Variants in TMTC2 observed in about 807,000 individuals in gnomAD.
TMTC2 encodes transmembrane O-mannosyltransferase targeting cadherins 2.
Under a neutral mutation model 82.4 loss-of-function variants are expected in TMTC2, and 43 were observed. The ratio of observed to expected loss-of-function variants is 0.52; its 90% CI spans 0.41 to 0.67. The LOEUF is 0.67. TMTC2 is among the 30% of genes least tolerant of loss of function. TMTC2 has a pLI of 0.00. For missense variants in TMTC2, 919 were observed against 1,012.4 expected (o/e 0.91, Z 1.25); for synonymous variants, 408 against 381.9 (o/e 1.07, Z -0.80).
chr12:82,982,415 T>A (rs1424228662), intron 7 of TMTC2, among the ~76,000 whole-genome samples: 1 of 148,518 alleles, frequency 6.7e-6, no homozygotes, highest in African/African-American at 2.5e-5. Context: ...TACCTTTTTT[T>A]AACATATTTA....
At chr12:82,809,408 T>C (rs948278020) in intron 1 of TMTC2, among the ~76,000 whole-genome samples, 1 of 152,062 alleles carries the variant, frequency 6.6e-6, no homozygotes, top group African/African-American at 2.4e-5. Flanking sequence ...GAAGACTGAA[T>C]GCTTAAGTCC....
intron 11 of TMTC2, among the ~76,000 whole-genome samples, chr12:83,076,198 A>G (rs1448219118): frequency 6.6e-6 from 1 of 152,142 alleles, no homozygotes; most frequent in African/African-American, 2.4e-5. Flanking sequence ...TATTTTTTCA[A>G]TATATATTTG....
intron 2 of TMTC2, among the ~76,000 whole-genome samples, chr12:82,891,790 C>A (rs535749088): frequency 9.2e-5 from 14 of 152,174 alleles, no homozygotes; most frequent in African/African-American, 3.4e-4. Context: ...CTTTAAAAGC[C>A]ATAGCAAATC....
At chr12:82,776,347 A>G (rs956332414) in intron 1 of TMTC2, among the ~76,000 whole-genome samples, 2 of 152,122 alleles carry the variant, frequency 1.3e-5, no homozygotes, top group Non-Finnish European at 2.9e-5. Context: ...GGAATGGCAG[A>G]CAAACATCCT....
chr12:83,055,843 A>G (rs181587152), intron 10 of TMTC2, among the ~76,000 whole-genome samples: 2 of 151,988 alleles, frequency 1.3e-5, no homozygotes, highest in Admixed American at 6.6e-5. Context: ...TCACTCTGTT[A>G]CCTCTGAGTG....
At chr12:82,839,813 G>T (rs1870238383) in intron 1 of TMTC2, among the ~76,000 whole-genome samples, 1 of 152,118 alleles carries the variant, frequency 6.6e-6, no homozygotes, top group Non-Finnish European at 1.5e-5. Context: ...TATAAGTCCT[G>T]TAACTTCTTT....
chr12:82,895,882 G>A lies in TMTC2; in HGVS notation c.719G>A (p.Gly240Asp), dbSNP rs769596235. 6.8e-6 allele frequency: 11 copies of A among 1,613,770 alleles called. No homozygotes were observed. The Admixed American group carries it at 1.7e-4, about 24-fold the overall frequency. Residue 240 changes from glycine (G) to aspartate (D), a missense_variant, in exon 3 of 12, where the codon GGT becomes GAT. Coordinates refer to ENST00000321196, the MANE Select transcript of TMTC2 (RefSeq NM_152588.3). ...ATTTTCTGGGGTTCCTCCCTTTTGG[G>A]TGCCCGGTTATACTGGATGGGAAAC... is the stretch of plus-strand genomic sequence containing the variant. ...LLIFWGSSLL[G>D]ARLYWMGNKP... is the part of the protein sequence containing the mutation.
intron 1 of TMTC2, among the ~76,000 whole-genome samples, chr12:82,782,948 A>G (rs757672537): frequency 1.7e-4 from 26 of 152,190 alleles, no homozygotes; most frequent in Admixed American, 2.0e-4. Flanking sequence ...AAATGCCTTC[A>G]TTTAGTCTTT....
rs1024043332 is a variant in TMTC2 at position 83,105,719 on chromosome 12, A to G, written c.2332-26491A>G. On this transcript the variant is annotated intron_variant, in intron 11 of 11. Transcript: ENST00000321196. ...ATTTCAACATGAGATTGGGGTGGGG[A>G]CAAATATCCAAACTATATCTAGGTG... 7.2e-4 allele frequency among the ~76,000 whole-genome samples: 110 copies of G among 152,302 alleles called. 2 individuals carry two copies. Among genetic ancestry groups the G allele is most frequent in the African/African-American group, 2.5e-3 (106 of 41,570 alleles).
At chr12:82,761,911 T>TTTTTCTTTCTCTTTCC (rs952368164) in intron 1 of TMTC2, among the ~76,000 whole-genome samples, 2 of 151,570 alleles carry the variant, frequency 1.3e-5, no homozygotes, top group Non-Finnish European at 2.9e-5. Context: ...TTTCTTTTTC[T>TTTTTCTTTCTCTTTCC]TTTTCTTTCT....
intron 1 of TMTC2, among the ~76,000 whole-genome samples, chr12:82,730,296 C>CTCAA (rs1874721623): frequency 1.3e-5 from 1 of 79,004 alleles, no homozygotes; most frequent in African/African-American, 5.1e-5. Context: ...CTCTGTCTCT[C>CTCAA]AAAAAAAAAA....
At chr12:83,083,451 T>C (rs11115571) in intron 11 of TMTC2, among the ~76,000 whole-genome samples, 56,711 of 152,028 alleles carry the variant, frequency 0.37, 10,610 homozygotes, top group Middle Eastern at 0.42. Context: ...TTTTCTGCTG[T>C]ACTTTTTCTC....
rs575761883 is a variant in TMTC2, at chr12:83,084,917, A to G, written c.2331+23086A>G. 1.1e-4 allele frequency among the ~76,000 whole-genome samples: 17 copies of G among 152,358 alleles called. No individual in the cohort carries two copies. In the South Asian group the frequency reaches 1.9e-3, roughly 17 times the overall value. ...AGGAATAATTTTAAAGATGTGAATA[A>G]CAAATTGGCTAAGCCTGCATGCTTT... On this transcript the variant is annotated intron_variant, in intron 11 of 11. Transcript: ENST00000321196.
At chr12:82,958,887 T>G (rs1241418669) in intron 4 of TMTC2, among the ~76,000 whole-genome samples, 1 of 152,088 alleles carries the variant, frequency 6.6e-6, no homozygotes, top group Non-Finnish European at 1.5e-5. Flanking sequence ...GCAGTCAAAC[T>G]AACTCTTTAC....
At chr12:82,769,254 C>A (rs185645463) in intron 1 of TMTC2, among the ~76,000 whole-genome samples, 3 of 151,948 alleles carry the variant, frequency 2.0e-5, no homozygotes, top group Middle Eastern at 6.8e-3. Context: ...GGGTGAAACA[C>A]CTTAGGTCAG....
chr12:83,035,531 T>A (rs183146039), intron 9 of TMTC2, among the ~76,000 whole-genome samples: 102 of 152,348 alleles, frequency 6.7e-4, no homozygotes, highest in Non-Finnish European at 1.2e-3. Flanking sequence ...ACAGCTCTTT[T>A]ATCAAAATTT....
At chr12:82,844,276 C>T (rs528106857) in intron 1 of TMTC2, among the ~76,000 whole-genome samples, 1 of 152,226 alleles carries the variant, frequency 6.6e-6, no homozygotes, top group South Asian at 2.1e-4. Flanking sequence ...AGGAAAATTG[C>T]CATGTACTTT....
At chr12:82,927,461 C>T (rs2137238232) in intron 3 of TMTC2, among the ~76,000 whole-genome samples, 1 of 152,266 alleles carries the variant, frequency 6.6e-6, no homozygotes, top group Non-Finnish European at 1.5e-5. Context: ...GCAGTCTACT[C>T]CTGGTGACCA....
rs146095903 is a variant in TMTC2, at chr12:82,855,265, G to A, written c.84-1745G>A. ...CCTTAGATGGGTTTCTTAATCTGCT[G>A]AGTCTCTGTGATAGTTTATTTTTGC... On this transcript the variant is annotated intron_variant, in intron 1 of 11. Transcript: ENST00000321196. Among the ~76,000 whole-genome samples, 712 of 152,290 alleles carry A rather than the reference G, an allele frequency of 4.7e-3. 23 individuals carry two copies. The highest frequency in any genetic ancestry group is 0.042 in the Admixed American group (650 of 15,296).
Sources: allele counts gnomAD v4.1 joint callset (sites outside exome capture counted in the v4.1 genomes callset), GRCh38; gene constraint gnomAD v4.1.1; transcripts MANE v1.5; gene names NCBI Gene and HGNC (gene_info 2026-07-23, HGNC 2026-07-21).